The following APC2 variants were observed in gnomAD, a reference collection of about 807,000 sequenced individuals.
APC2 encodes APC regulator of Wnt signaling pathway 2, also known as adenomatous polyposis coli protein 2.
Under a neutral mutation model 72.5 loss-of-function variants are expected in APC2, and 41 were observed. The observed-to-expected ratio is 0.57, with a 90% confidence interval of 0.44 to 0.73. APC2 has a LOEUF of 0.73. Among genes scored for constraint, APC2 ranks in the 30% least tolerant of loss-of-function variants. The probability of loss-of-function intolerance (pLI) is 0.00; values close to 1 mark genes in which losing one functional copy is unlikely to be tolerated. For synonymous variants in APC2, 1,898 were observed against 1,612.0 expected (o/e 1.18, Z -4.25); for missense variants, 3,729 against 3,403.4 (o/e 1.10, Z -2.38).
intron 2 of APC2, 44 bp from the exon 3 acceptor site, chr19:1,453,203 G>A: frequency 6.4e-7 from 1 of 1,563,836 alleles, no homozygotes; most frequent in Non-Finnish European, 8.7e-7. Flanking sequence ...CGGCAGCCCA[G>A]TGCAGTGGCT....
rs773475507 is a variant in APC2 at position 1,467,729 on chromosome 19, C to G, written c.4428C>G (p.Pro1476=). ...ELPLGRPPSA[P]ADKDGSKPGR... is the part of the protein sequence containing the mutation. ...CCCTGGGCCGGCCCCCGAGCGCCCC[C>G]GCAGACAAGGACGGCTCAAAGCCCG... The change falls in exon 15 of 15, where the codon CCC becomes CCG. Residue 1476 remains proline, a synonymous_variant. Coordinates refer to ENST00000590469, the MANE Select transcript of APC2 (RefSeq NM_005883.3). 9 of 1,436,714 alleles carry G rather than the reference C, an allele frequency of 6.3e-6. No individual in the cohort carries two copies. Among genetic ancestry groups the G allele is most frequent in the Middle Eastern group, 2.3e-4 (1 of 4,324 alleles). The allele number at this position is 1,436,714 out of a possible 1,614,324, so 89.0% of individuals were successfully genotyped here. A position where few individuals can be genotyped will look rare whatever the true frequency, so the allele number is the denominator to read the frequency against.
At chr19:1,457,895 C>CGGGGGGGGGGGGGTTTGGGGGGGGGGGG (rs71174372) in intron 9 of APC2, 70 bp from the exon 10 acceptor site, 2 of 1,067,858 alleles carry the variant, frequency 1.9e-6, no homozygotes, top group Non-Finnish European at 1.2e-6. Flanking sequence ...GGGCGGGTTG[C>CGGGGGGGGGGGGGTTTGGGGGGGGGGGG]GGGACCTTCG....
At position 1,453,742 on chromosome 19, in the gene APC2, G is replaced by T. The variant is rs545153321; in HGVS notation, c.413+131G>T. On this transcript the variant is annotated intron_variant, in intron 4 of 14. Transcript: ENST00000590469. ...CACACGCCCCACCCACTTGCATATG[G>T]CACTGCCCACCGAACAACCCCGCCC... 30 of 1,256,328 alleles carry T rather than the reference G, an allele frequency of 2.4e-5. No individual in the cohort carries two copies. The South Asian group carries it at 4.4e-4, about 19-fold the overall frequency. The allele number at this position is 1,256,328 out of a possible 1,614,324, so 77.8% of individuals were successfully genotyped here.
In APC2 at chr19:1,469,750, G is replaced by T; in HGVS notation, c.6449G>T (p.Arg2150Leu). The T allele has an allele frequency of 6.7e-7, 1 of 1,490,740 alleles. No homozygotes were observed. Among genetic ancestry groups the T allele is most frequent in the Middle Eastern group, 2.3e-4 (1 of 4,400 alleles). The allele number at this position is 1,490,740 out of a possible 1,614,324, so 92.3% of individuals were successfully genotyped here. ...AAPGTTWRRI[R>L]DEDVPHILRS... Reference sequence around the variant, plus strand: ...CCGGGCACGACCTGGCGGCGCATCCGAGATGAGGACGTGCCCCACATCCTG... The same window carrying T: ...CCGGGCACGACCTGGCGGCGCATCCTAGATGAGGACGTGCCCCACATCCTG... Residue 2150 changes from arginine (R) to leucine (L), a missense_variant, in exon 15 of 15, where the codon CGA (arginine) becomes CTA (leucine). By Grantham distance (102) the Arg-to-Leu change is moderately radical. Transcript: ENST00000590469.
At position 1,468,254 on chromosome 19, in the gene APC2, G is replaced by A. The variant is rs1011678916; in HGVS notation, c.4953G>A (p.Lys1651=). The part of the protein sequence containing the change: ...RPPVSGLRRR[K]PRATRLDERP... ...CCGTGTCTGGCCTGCGGCGCCGCAA[G>A]CCCCGAGCCACCCGGCTGGATGAGC... Residue 1651 remains lysine (K), a synonymous_variant, in exon 15 of 15, where the codon AAG becomes AAA. Transcript: ENST00000590469. 2.0e-6 allele frequency: 3 copies of A among 1,520,838 alleles called. No homozygotes were observed. The highest frequency in any genetic ancestry group is 1.4e-5 in the African/African-American group (1 of 70,892). The allele number at this position is 1,520,838 out of a possible 1,614,324, so 94.2% of individuals were successfully genotyped here. A position where few individuals can be genotyped will look rare whatever the true frequency, so the allele number is the denominator to read the frequency against.
intron 6 of APC2, 49 bp downstream of exon 6, chr19:1,455,549 G>A (rs761282035): frequency 6.5e-7 from 1 of 1,530,470 alleles, no homozygotes; most frequent in East Asian, 2.3e-5. Context: ...CCCTGCGCCA[G>A]TGGGCAAATC....
At position 1,470,366 on chromosome 19, in the gene APC2, G is replaced by T; in HGVS notation, c.*153G>T. ...CTCTCAGAACCCCCGCCCAGCGCAC[G>T]GCGACCTCGCGCCTCACCGGAAGAC... On this transcript the variant is annotated 3_prime_UTR_variant, in exon 15 of 15. Transcript: ENST00000590469. The T allele has an allele frequency of 1.7e-6, 2 of 1,143,370 alleles. No individual in the cohort carries two copies. The highest frequency in any genetic ancestry group is 2.4e-6 in the Non-Finnish European group (2 of 850,744). 70.8% of individuals were successfully genotyped at this position (1,143,370 alleles called of 1,614,324 possible).
chr19:1,457,898 G>GGGGGGGGGGGA (rs1555675929), intron 9 of APC2, 67 bp from the exon 10 acceptor site: 364 of 1,432,244 alleles, frequency 2.5e-4, no homozygotes, highest in East Asian at 1.9e-3. Flanking sequence ...CGGGTTGCGG[G>GGGGGGGGGGGA]ACCTTCGGGA....
upstream of APC2, among the ~76,000 whole-genome samples, chr19:1,448,867 G>T (rs28414773): frequency 6.6e-6 from 1 of 150,756 alleles, no homozygotes; most frequent in Non-Finnish European, 1.5e-5. Flanking sequence ...AGAAAAAAAA[G>T]AAAAAGAAAA....
Position 1,452,732 on chromosome 19 carries a change from T to C in APC2, c.-18-252T>C. The C allele has an allele frequency of 4.0e-6, 2 of 504,682 alleles. No homozygotes were observed. Among genetic ancestry groups the C allele is most frequent in the Non-Finnish European group, 7.1e-6 (2 of 279,976 alleles). 31.3% of individuals were successfully genotyped at this position (504,682 alleles called of 1,614,324 possible). A position where few individuals can be genotyped will look rare whatever the true frequency, so the allele number is the denominator to read the frequency against. ...GGTCAGTTGGACGTTCAGCTGTCTG[T>C]ACGTCTGTCTGCTGGCCCCTCTGTC... is the stretch of plus-strand genomic sequence containing the variant. On this transcript the variant is annotated intron_variant, in intron 1 of 14. Coordinates refer to ENST00000590469, the MANE Select transcript of APC2 (RefSeq NM_005883.3). The surrounding 1 kb of genome is among the most constrained non-coding windows in gnomAD (Gnocchi z 5.1).
chr19:1,456,540 C>A, intron 8 of APC2, 136 bp downstream of exon 8: 1 of 978,740 alleles, frequency 1.0e-6, no homozygotes, highest in Non-Finnish European at 1.5e-6. Flanking sequence ...GCCCCTCTGG[C>A]GTGCAGCTCA....
In APC2 at chr19:1,469,901, G is replaced by C. The variant is rs1375409402; in HGVS notation, c.6600G>C (p.Lys2200Asn). The change falls in exon 15 of 15, where the codon AAG becomes AAC. Residue 2200 changes from lysine to asparagine, a missense_variant. Coordinates refer to ENST00000590469, the MANE Select transcript of APC2 (RefSeq NM_005883.3). ...VVQTEEVAAPKTNSSTSPSLE... is the reference protein window; with the variant it reads ...VVQTEEVAAPNTNSSTSPSLE... ...AGACCGAGGAGGTCGCCGCCCCCAA[G>C]ACCAACTCCAGCACGTCCCCGAGCC... is the stretch of plus-strand genomic sequence containing the variant. 6.6e-7 allele frequency: 1 copy of C among 1,523,628 alleles called. No homozygotes were observed. Among genetic ancestry groups the C allele is most frequent in the Non-Finnish European group, 8.8e-7 (1 of 1,142,250 alleles). The allele number at this position is 1,523,628 out of a possible 1,614,324, so 94.4% of individuals were successfully genotyped here.
chr19:1,456,445 G>C (rs776576610), intron 8 of APC2, 41 bp downstream of exon 8: 3 of 1,525,282 alleles, frequency 2.0e-6, no homozygotes, highest in African/African-American at 2.7e-5. Flanking sequence ...CAGCTGTCTG[G>C]GCTGGAAGGG....
At chr19:1,461,412 T>C (rs569526052) in intron 13 of APC2, 42 of 526,128 alleles carry the variant, frequency 8.0e-5, no homozygotes, top group Non-Finnish European at 1.3e-4. Flanking sequence ...CCATCTCTAC[T>C]AAAAAAAACA....
upstream of APC2, among the ~76,000 whole-genome samples, chr19:1,446,641 T>C (rs567817484): frequency 3.5e-3 from 534 of 151,722 alleles, no homozygotes; most frequent in Admixed American, 7.8e-3. This position sits in a 1 kb window ranked among gnomAD's most constrained non-coding sequence, Gnocchi z 6.1. Context: ...CTCGGACCCC[T>C]CCTCACTGCG....
rs1453733492 is a variant in APC2 at position 1,470,230 on chromosome 19, T to C, written c.*17T>C. On this transcript the variant is annotated 3_prime_UTR_variant, in exon 15 of 15. Coordinates refer to ENST00000590469, the MANE Select transcript of APC2 (RefSeq NM_005883.3). Reference sequence around the variant, plus strand: ...CTGGAATAGTGGCCTAGGCCGGCCTTCTGGAACGTTCTCTCCCGGCCCTGC... The same window carrying C: ...CTGGAATAGTGGCCTAGGCCGGCCTCCTGGAACGTTCTCTCCCGGCCCTGC... The C allele has an allele frequency of 6.4e-7, 1 of 1,564,150 alleles. No individual in the cohort carries two copies. The highest frequency in any genetic ancestry group is 8.6e-7 in the Non-Finnish European group (1 of 1,157,854).
Position 1,470,023 on chromosome 19 carries a change from CCGCACCCTT to C in APC2, c.6725_6733del (p.Ala2242_Phe2244del), listed in dbSNP as rs760723894. Reference sequence around the variant, plus strand: ...CCCAGCCTCGCCAAGGCTCCCATCTCCGCACCCTTCGTGCACGAGGGCCTGGGGGTCGCC... The same window carrying C: ...CCCAGCCTCGCCAAGGCTCCCATCTCCGTGCACGAGGGCCTGGGGGTCGCC... On this transcript the variant is annotated inframe_deletion, in exon 15 of 15. Coordinates refer to ENST00000590469, the MANE Select transcript of APC2 (RefSeq NM_005883.3). The C allele has an allele frequency of 6.4e-6, 10 of 1,556,734 alleles. No homozygotes were observed. In the Admixed American group the frequency reaches 1.8e-4, roughly 28 times the overall value.
In APC2 at chr19:1,460,873, C is replaced by A. The variant is rs111344118; in HGVS notation, c.1521+16C>A. The A allele has an allele frequency of 1.2e-6, 2 of 1,612,924 alleles. No homozygotes were observed. The highest frequency in any genetic ancestry group is 1.7e-6 in the Non-Finnish European group (2 of 1,179,706). On this transcript the variant is annotated intron_variant, in intron 12 of 14. Coordinates refer to ENST00000590469, the MANE Select transcript of APC2 (RefSeq NM_005883.3). ...GCTCCACCAGGTACAGGGCGGGGTGCTGGGAAAGCCTTCCAGGGTGTCCCT... is the reference window on the plus strand; with the variant it reads ...GCTCCACCAGGTACAGGGCGGGGTGATGGGAAAGCCTTCCAGGGTGTCCCT...
chr19:1,469,439 C>T lies in APC2; in HGVS notation c.6138C>T (p.Leu2046=), dbSNP rs2084091387. 1.7e-6 allele frequency: 2 copies of T among 1,165,666 alleles called. No homozygotes were observed. The highest frequency in any genetic ancestry group is 1.1e-6 in the Non-Finnish European group (1 of 948,076). 72.2% of individuals were successfully genotyped at this position (1,165,666 alleles called of 1,614,324 possible). Residue 2046 remains leucine, a synonymous_variant, in exon 15 of 15, where the codon CTC becomes CTT. Transcript: ENST00000590469. ...TCTGCTCCTCGCGCTGCGAAGAGCT[C>T]CGAGCGGCACCCCGGCAGGGCCCGG... The part of the protein sequence containing the change: ...VFLCSSRCEE[L]RAAPRQGPAP...
Sources: gnomAD v4.1 joint callset for allele counts (sites outside exome capture counted in the v4.1 genomes callset) on GRCh38, gnomAD v4.1.1 for gene constraint, Gnocchi (gnomAD v3.1) non-coding constraint, MANE v1.5 for transcripts, NCBI Gene and HGNC (gene_info 2026-07-23, HGNC 2026-07-21) for gene names.